The following CENPC variants were observed in gnomAD, a reference collection of about 807,000 sequenced individuals.
CENPC encodes the protein CENP-C 1.
Under a neutral mutation model 112.1 loss-of-function variants are expected in CENPC, and 63 were observed. That is an observed-to-expected ratio of 0.56 (90% CI 0.46 to 0.69). CENPC has a LOEUF of 0.69. Ranked by LOEUF, CENPC falls within the 30% of genes least tolerant of loss-of-function variation. CENPC has a pLI of 0.00. For synonymous variants in CENPC, 333 were observed against 367.6 expected (o/e 0.91, Z 1.08); for missense variants, 1,000 against 1,103.8 (o/e 0.91, Z 1.33).
At chr4:67,511,093 C>A in intron 9 of CENPC, 1 of 455,402 alleles carries the variant, frequency 2.2e-6, no homozygotes, top group Non-Finnish European at 4.4e-6. Flanking sequence ...CTAACATATG[C>A]CACCTACTAT....
Position 67,478,073 on chromosome 4 carries a change from G to A in CENPC, c.2671-3095C>T, listed in dbSNP as rs1463327469. Among the ~76,000 whole-genome samples, 7 of 151,982 alleles carry A rather than the reference G, an allele frequency of 4.6e-5. No homozygotes were observed. In the East Asian group the frequency reaches 1.4e-3, roughly 29 times the overall value. On this transcript the variant is annotated intron_variant, in intron 17 of 18. Transcript: ENST00000273853. ...GATTATGTTAAACGACCACACATAA[G>A]AATAATTGGTGTTCCTGAGGAAGAA... is the stretch of plus-strand genomic sequence containing the variant.
chr4:67,511,002 A>G (rs1375377175), intron 9 of CENPC: 2 of 456,022 alleles, frequency 4.4e-6, no homozygotes, highest in African/African-American at 4.0e-5. Context: ...CATCTGCCAC[A>G]TAGTACTTAG....
rs1726120026 is a variant in CENPC, at chr4:67,518,334, T to C, written c.652A>G (p.Ile218Val). Residue 218 changes from isoleucine (I) to valine (V), a missense_variant, in exon 7 of 19, where the codon ATA becomes GTA. Coordinates refer to ENST00000273853, the MANE Select transcript of CENPC (RefSeq NM_001812.4). ...NFDDKVMLKK[I>V]EIDNKVSDEE... ...TCTGATACTTTATTATCTATTTCTA[T>C]TTTCTTTAACATAACTTTATCATCA... is the stretch of plus-strand genomic sequence containing the variant. The C allele has an allele frequency of 1.3e-6, 2 of 1,534,070 alleles. No individual in the cohort carries two copies. Among genetic ancestry groups the C allele is most frequent in the African/African-American group, 2.8e-5 (2 of 72,064 alleles).
intron 2 of CENPC, among the ~76,000 whole-genome samples, chr4:67,542,015 C>G (rs1726902284): frequency 2.0e-5 from 3 of 152,150 alleles, no homozygotes; most frequent in Admixed American, 1.3e-4. Context: ...GTTGAATGTA[C>G]CAATATTTCA....
intron 15 of CENPC, 37 bp from the exon 16 acceptor site, chr4:67,492,312 C>T: frequency 3.0e-6 from 4 of 1,355,000 alleles, no homozygotes; most frequent in Non-Finnish European, 3.1e-6. Context: ...AAACTACTTA[C>T]TTAAAATTAT....
At position 67,545,461 on chromosome 4, in the gene CENPC, G is replaced by T; in HGVS notation, c.-106C>A. ...CGAATCGCCGGAATACCAGGCCGCG[G>T]CCAAGCAATAACCTTAAGTCTCAGG... On this transcript the variant is annotated 5_prime_UTR_variant, in exon 1 of 19. Transcript: ENST00000273853. 8.0e-7 allele frequency: 1 copy of T among 1,251,100 alleles called. No individual in the cohort carries two copies. Among genetic ancestry groups the T allele is most frequent in the Non-Finnish European group, 1.1e-6 (1 of 935,460 alleles). The allele number at this position is 1,251,100 out of a possible 1,614,324, so 77.5% of individuals were successfully genotyped here.
At chr4:67,523,921 A>AAG (rs1310851827) in intron 5 of CENPC, among the ~76,000 whole-genome samples, 3 of 152,254 alleles carry the variant, frequency 2.0e-5, no homozygotes, top group African/African-American at 7.2e-5. Flanking sequence ...GAACCAAAGT[A>AAG]AGAGCTTCTA....
At chr4:67,480,464 T>C (rs190646628) in intron 17 of CENPC, among the ~76,000 whole-genome samples, 14 of 151,852 alleles carry the variant, frequency 9.2e-5, no homozygotes, top group African/African-American at 2.9e-4. Flanking sequence ...CAAGAAGAAA[T>C]AGAAACTCTA....
intron 15 of CENPC, 127 bp downstream of exon 15, chr4:67,492,742 G>A (rs1725318125): frequency 1.5e-5 from 20 of 1,302,888 alleles, no homozygotes; most frequent in Non-Finnish European, 2.0e-5. Flanking sequence ...ATTAAAAAAT[G>A]AATTTTACCT....
chr4:67,535,940 T>C (rs913256961), intron 4 of CENPC, among the ~76,000 whole-genome samples: 1 of 152,198 alleles, frequency 6.6e-6, no homozygotes, highest in African/African-American at 2.4e-5. Context: ...AAGTGGGGTC[T>C]ACTATTTTTT....
chr4:67,540,883 C>A, intron 3 of CENPC, 97 bp downstream of exon 3: 2 of 863,296 alleles, frequency 2.3e-6, no homozygotes, highest in East Asian at 2.7e-5. Context: ...ATATTTAAAC[C>A]CTAGAACATA....
At chr4:67,534,686 A>C (rs763600299) in intron 4 of CENPC, among the ~76,000 whole-genome samples, 4 of 152,230 alleles carry the variant, frequency 2.6e-5, no homozygotes, top group Non-Finnish European at 5.9e-5. Context: ...GCCAAGAGAA[A>C]AGAAATCTAC....
intron 10 of CENPC, among the ~76,000 whole-genome samples, chr4:67,508,006 A>G (rs191373354): frequency 1.5e-3 from 233 of 152,284 alleles, no homozygotes; most frequent in Non-Finnish European, 2.3e-3. Flanking sequence ...ATTCCAACAC[A>G]AAGTATGTAT....
At chr4:67,493,246 T>C (rs1725333361) in intron 14 of CENPC, among the ~76,000 whole-genome samples, 1 of 149,382 alleles carries the variant, frequency 6.7e-6, no homozygotes, top group South Asian at 2.1e-4. Context: ...AAATCAACAG[T>C]CATCAGTGGA....
At chr4:67,491,136 T>C (rs1725246998) in intron 16 of CENPC, among the ~76,000 whole-genome samples, 1 of 150,494 alleles carries the variant, frequency 6.6e-6, no homozygotes, top group Non-Finnish European at 1.5e-5. Context: ...AGTACCATTA[T>C]TACTACCTTT....
In CENPC at chr4:67,471,861, G is replaced by GC. The variant is rs1724668198; in HGVS notation, c.*743dup. On this transcript the variant is annotated 3_prime_UTR_variant, in exon 19 of 19. Coordinates refer to ENST00000273853, the MANE Select transcript of CENPC (RefSeq NM_001812.4). ...ACAGAAAGCAATGGCGAAGGACACT[G>GC]CCTCCAACAGAAAATATGAACCAAA... 6.6e-6 allele frequency: 1 copy of GC among 152,368 alleles called. No homozygotes were observed. Among genetic ancestry groups the GC allele is most frequent in the South Asian group, 2.1e-4 (1 of 4,828 alleles). The allele number at this position is 152,368 out of a possible 1,614,324, so 9.4% of individuals were successfully genotyped here.
chr4:67,512,228 G>A lies in CENPC; in HGVS notation c.1612+174C>T, dbSNP rs1352754770. 2.8e-5 allele frequency: 15 copies of A among 534,622 alleles called. No individual in the cohort carries two copies. In the Admixed American group the frequency reaches 5.9e-4, roughly 21 times the overall value. The allele number at this position is 534,622 out of a possible 1,614,324, so 33.1% of individuals were successfully genotyped here. On this transcript the variant is annotated intron_variant, in intron 9 of 18. Coordinates refer to ENST00000273853, the MANE Select transcript of CENPC (RefSeq NM_001812.4). The stretch of plus-strand genomic sequence containing the variant: ...CTATTATCCCTATTCCTAAAATACT[G>A]TATATATTAACGCTTCAAGGAATAT...
chr4:67,505,180 A>G, intron 12 of CENPC, 25 bp downstream of exon 12: 1 of 1,490,724 alleles, frequency 6.7e-7, no homozygotes, highest in South Asian at 1.3e-5. Flanking sequence ...ATAAAAATCA[A>G]GACAGAAAAA....
At chr4:67,510,290 A>G (rs1375538932) in intron 9 of CENPC, among the ~76,000 whole-genome samples, 1 of 152,126 alleles carries the variant, frequency 6.6e-6, no homozygotes, top group African/African-American at 2.4e-5. Context: ...AAAACATTCC[A>G]TAACTTCCTC....
Sources: allele counts gnomAD v4.1 joint callset (sites outside exome capture counted in the v4.1 genomes callset), GRCh38; gene constraint gnomAD v4.1.1; transcripts MANE v1.5; gene names NCBI Gene and HGNC (gene_info 2026-07-23, HGNC 2026-07-21).